CC2D2A: variants seen among roughly 807,000 people sequenced by gnomAD.
The protein encoded by CC2D2A is coiled-coil and C2 domain-containing protein 2A.
CC2D2A carries 155 observed loss-of-function variants against 212.9 expected under a neutral mutation model. The observed-to-expected ratio is 0.73, with a 90% CI of 0.64 to 0.83. The LOEUF is 0.83. Among genes scored for constraint, CC2D2A ranks in the 40% least tolerant of loss-of-function variants. The probability of loss-of-function intolerance (pLI) is 0.00; values close to 1 mark genes in which losing one functional copy is unlikely to be tolerated. For synonymous variants in CC2D2A, 667 were observed against 686.5 expected, an observed-to-expected ratio of 0.97 and a Z score of 0.44; for missense variants, 1,856 against 1,956.2, an observed-to-expected ratio of 0.95 and a Z score of 0.97.
At chr4:15,513,467 A>G (rs546243976) in intron 8 of CC2D2A, among the ~76,000 whole-genome samples, 1 of 152,340 alleles carries the variant, frequency 6.6e-6, no homozygotes, top group East Asian at 1.9e-4. Flanking sequence ...TCCAAAGGCC[A>G]CTTCTCCCTT....
intron 12 of CC2D2A, among the ~76,000 whole-genome samples, chr4:15,528,019 A>G (rs1717605869): frequency 6.6e-6 from 1 of 152,140 alleles, no homozygotes; most frequent in South Asian, 2.1e-4. Flanking sequence ...TCTCATCTTG[A>G]TATTTATTAC....
chr4:15,501,291 G>C (rs1306495185), intron 4 of CC2D2A, among the ~76,000 whole-genome samples: 2 of 151,942 alleles, frequency 1.3e-5, no homozygotes, highest in Non-Finnish European at 2.9e-5. Flanking sequence ...TCCTTTGTGT[G>C]GCCTGTCTTA....
At chr4:15,529,381 CAAAAAA>C (rs200728529) in intron 13 of CC2D2A, among the ~76,000 whole-genome samples, 2 of 122,406 alleles carry the variant, frequency 1.6e-5, no homozygotes, top group African/African-American at 6.0e-5. Context: ...GACCTTGACT[CAAAAAA>C]AAAAAAAGAA....
intron 8 of CC2D2A, among the ~76,000 whole-genome samples, chr4:15,513,930 C>T (rs1408775630): frequency 6.6e-6 from 1 of 152,144 alleles, no homozygotes; most frequent in East Asian, 1.9e-4. Context: ...TTGTCTTTAG[C>T]TACCTGAAAG....
In CC2D2A at chr4:15,540,899, A is replaced by G. The variant is rs1416043903; in HGVS notation, c.2066A>G (p.Asn689Ser). The G allele has an allele frequency of 3.1e-6, 5 of 1,591,900 alleles. No homozygotes were observed. The highest frequency in any genetic ancestry group is 1.2e-5 in the South Asian group (1 of 86,948). ...TCAGTGTACTTAAAAGTGCTGTTCA[A>G]CAACAAGGAGGTGTCCAGGACAGTC... ...KRSVYLKVLF[N>S]NKEVSRTVSR... The change falls in exon 17 of 37, where the codon AAC (asparagine) becomes AGC (serine). Residue 689 changes from asparagine to serine, a missense_variant. This residue lies in a region of CC2D2A where 1,512 missense variants were observed against 1,579.3 expected (regional missense o/e 0.96). Coordinates refer to ENST00000424120, the MANE Select transcript of CC2D2A (RefSeq NM_001378615.1).
chr4:15,594,860 G>A (rs955693601), intron 33 of CC2D2A, among the ~76,000 whole-genome samples: 17 of 152,044 alleles, frequency 1.1e-4, no homozygotes, highest in Admixed American at 6.6e-5. Flanking sequence ...GAGTGCAGTG[G>A]TGTGACCACA....
At chr4:15,590,657 C>T (rs1003119606) in intron 33 of CC2D2A, among the ~76,000 whole-genome samples, 1 of 152,182 alleles carries the variant, frequency 6.6e-6, no homozygotes, top group East Asian at 1.9e-4. Flanking sequence ...AAAGTCACTA[C>T]TTTATAGAAT....
chr4:15,514,621 A>C, intron 8 of CC2D2A, 86 bp from the exon 9 acceptor site: 1 of 1,007,226 alleles, frequency 9.9e-7, no homozygotes, highest in Admixed American at 3.1e-5. Context: ...GGAAATGTTA[A>C]GTTTCATGAG....
intron 28 of CC2D2A, among the ~76,000 whole-genome samples, chr4:15,571,866 T>G (rs1419030502): frequency 6.6e-6 from 1 of 152,204 alleles, no homozygotes; most frequent in African/African-American, 2.4e-5. Flanking sequence ...TGGGAAGGTA[T>G]TCAGAAATAA....
intron 29 of CC2D2A, chr4:15,576,445 T>TC: frequency 1.1e-6 from 1 of 888,664 alleles, no homozygotes; most frequent in Non-Finnish European, 1.3e-6. Context: ...TTAAACATAT[T>TC]TACCAATGGA....
At chr4:15,519,446 C>T (rs537086602) in intron 11 of CC2D2A, 66 of 430,338 alleles carry the variant, frequency 1.5e-4, no homozygotes, top group African/African-American at 1.0e-3. Flanking sequence ...CCAAACTGTT[C>T]CAGCCTCTGC....
chr4:15,581,591 GATA>G (rs1720666485), intron 30 of CC2D2A, among the ~76,000 whole-genome samples: 1 of 152,132 alleles, frequency 6.6e-6, no homozygotes, highest in Non-Finnish European at 1.5e-5. Flanking sequence ...GACTCTTCAG[GATA>G]ATACCATCAA....
In CC2D2A at chr4:15,599,689, C is replaced by G; in HGVS notation, c.4657C>G (p.Gln1553Glu). The change falls in exon 36 of 37, where the codon CAG becomes GAG. Residue 1553 changes from glutamine (Q) to glutamate (E), a missense_variant. Physicochemically the swap from Gln to Glu is conservative, Grantham distance 29. Coordinates refer to ENST00000424120, the MANE Select transcript of CC2D2A (RefSeq NM_001378615.1). ...EDDHRAELLK[Q>E]LGDYRFSGFP... is the part of the protein sequence containing the mutation. ...TGACCACAGAGCAGAACTGCTAAAACAGCTGGGAGACTACAGGGTAAGTTA... is the reference window on the plus strand; with the variant it reads ...TGACCACAGAGCAGAACTGCTAAAAGAGCTGGGAGACTACAGGGTAAGTTA... The G allele has an allele frequency of 6.2e-7, 1 of 1,610,488 alleles. No homozygotes were observed.
In CC2D2A at chr4:15,599,719, T is replaced by C. The variant is rs1216887028; in HGVS notation, c.4674+13T>C. ...GGGAGACTACAGGGTAAGTTACAAA[T>C]GGATCCTAAACTGACTGTGGATTTC... On this transcript the variant is annotated intron_variant, in intron 36 of 36. Coordinates refer to ENST00000424120, the MANE Select transcript of CC2D2A (RefSeq NM_001378615.1). The C allele has an allele frequency of 9.4e-6, 15 of 1,590,038 alleles. No homozygotes were observed. The highest frequency in any genetic ancestry group is 5.1e-5 in the Admixed American group (3 of 58,722).
chr4:15,527,040 G>T (rs1032392233), intron 11 of CC2D2A, among the ~76,000 whole-genome samples: 2 of 152,052 alleles, frequency 1.3e-5, no homozygotes, highest in African/African-American at 4.8e-5. Context: ...AAATACATGG[G>T]GTATGTCCAG....
chr4:15,570,331 G>A (rs1266095499), intron 27 of CC2D2A, 67 bp from the exon 28 acceptor site: 11 of 967,680 alleles, frequency 1.1e-5, no homozygotes, highest in Admixed American at 4.5e-5. Context: ...CTGCTTTCCT[G>A]CTGCCAGATT....
chr4:15,574,118 A>G, intron 28 of CC2D2A, 32 bp from the exon 29 acceptor site: 3 of 1,491,904 alleles, frequency 2.0e-6, no homozygotes, highest in Non-Finnish European at 2.7e-6. Context: ...AAAAAGCATC[A>G]GGATGTTTAC....
rs1260169630 is a variant in CC2D2A, at chr4:15,579,955, T to C, written c.3772-13T>C. ...AATCATACATAAACTCCATGAAGTC[T>C]TTCTTTTTGAAGTTTGAGTCTCAGG... On this transcript the variant is annotated splice_polypyrimidine_tract_variant and intron_variant, in intron 29 of 36. Transcript: ENST00000424120. 2 of 1,606,018 alleles carry C rather than the reference T, an allele frequency of 1.2e-6. No individual in the cohort carries two copies. The highest frequency in any genetic ancestry group is 2.2e-5 in the East Asian group (1 of 44,832).
intron 31 of CC2D2A, among the ~76,000 whole-genome samples, chr4:15,587,198 A>C (rs756360678): frequency 6.6e-6 from 1 of 152,208 alleles, no homozygotes; most frequent in African/African-American, 2.4e-5. Context: ...TGCATGTGCA[A>C]TTCATAATAG....
Sources: gnomAD v4.1 joint callset for allele counts (sites outside exome capture counted in the v4.1 genomes callset) on GRCh38, gnomAD v4.1.1 for gene constraint, gnomAD v4.1.1 regional missense constraint, MANE v1.5 for transcripts, NCBI Gene and HGNC (gene_info 2026-07-23, HGNC 2026-07-21) for gene names.